Variants in SNX24 observed in about 807,000 individuals in gnomAD.
The protein encoded by SNX24 is sorting nexin-24.
A neutral mutation model predicts 28.7 loss-of-function variants in SNX24; 22 were observed. The ratio of observed to expected loss-of-function variants is 0.77; its 90% CI spans 0.55 to 1.10. SNX24 has a LOEUF of 1.10. Ranked by LOEUF, SNX24 falls within the 50% of genes least tolerant of loss-of-function variation. The pLI is 0.00. For synonymous variants in SNX24, 69 were observed against 71.5 expected, an observed-to-expected ratio of 0.96 and a Z score of 0.18; for missense variants, 221 against 201.1, an observed-to-expected ratio of 1.10 and a Z score of -0.60.
intron 3 of SNX24, among the ~76,000 whole-genome samples, chr5:122,947,781 CTTATT>C (rs1759753763): frequency 6.6e-6 from 1 of 152,170 alleles, no homozygotes; most frequent in Non-Finnish European, 1.5e-5. Flanking sequence ...ACAATGCATT[CTTATT>C]TGTAAGCCAG....
intron 3 of SNX24, among the ~76,000 whole-genome samples, chr5:122,995,221 G>C (rs1762009609): frequency 6.6e-6 from 1 of 152,058 alleles, no homozygotes; most frequent in South Asian, 2.1e-4. Context: ...CTCCTTCCTT[G>C]CTAGTTTTGA....
chr5:122,888,387 T>C (rs1756809860), intron 1 of SNX24, among the ~76,000 whole-genome samples: 1 of 152,150 alleles, frequency 6.6e-6, no homozygotes, highest in Non-Finnish European at 1.5e-5. Flanking sequence ...CTTGGCGCTA[T>C]TGGTTACTTG....
chr5:122,907,564 C>CT (rs1757693699), intron 1 of SNX24, among the ~76,000 whole-genome samples: 1 of 152,138 alleles, frequency 6.6e-6, no homozygotes, highest in Non-Finnish European at 1.5e-5. Context: ...GTCTGTCTGA[C>CT]TTAATGATCT....
At chr5:122,945,579 C>T (rs1759646032) in intron 2 of SNX24, among the ~76,000 whole-genome samples, 1 of 152,174 alleles carries the variant, frequency 6.6e-6, no homozygotes, top group Admixed American at 6.5e-5. Flanking sequence ...TAAGTTCTCT[C>T]TCCAAATGAT....
At chr5:122,890,135 G>A (rs1021362075) in intron 1 of SNX24, among the ~76,000 whole-genome samples, 4 of 152,086 alleles carry the variant, frequency 2.6e-5, no homozygotes, top group East Asian at 1.9e-4. Flanking sequence ...TTTAGGTGAC[G>A]CATTTGGGGC....
intron 1 of SNX24, among the ~76,000 whole-genome samples, chr5:122,921,307 T>C (rs1302463579): frequency 6.6e-6 from 1 of 152,210 alleles, no homozygotes; most frequent in Non-Finnish European, 1.5e-5. Flanking sequence ...TGTAAAAGGA[T>C]AGCTTTGGCA....
At chr5:122,933,578 G>T (rs1285152825) in intron 1 of SNX24, among the ~76,000 whole-genome samples, 3 of 152,110 alleles carry the variant, frequency 2.0e-5, no homozygotes, top group East Asian at 1.9e-4. Flanking sequence ...TTCATTTCCC[G>T]ATGTCCAATG....
chr5:122,972,366 G>A (rs142228832), intron 3 of SNX24, among the ~76,000 whole-genome samples: 153 of 152,260 alleles, frequency 1.0e-3, no homozygotes, highest in African/African-American at 3.5e-3. Flanking sequence ...TCCTAGACGC[G>A]TGAATCCTGG....
chr5:122,952,155 A>G (rs1343773224), intron 3 of SNX24, among the ~76,000 whole-genome samples: 7 of 152,212 alleles, frequency 4.6e-5, no homozygotes, highest in Admixed American at 1.3e-4. Flanking sequence ...CTCATTATGT[A>G]TATGCACACA....
chr5:122,908,911 T>C (rs900279129), intron 1 of SNX24, among the ~76,000 whole-genome samples: 2 of 152,058 alleles, frequency 1.3e-5, no homozygotes, highest in Middle Eastern at 3.4e-3. Context: ...AATGTGCACA[T>C]AGCAAGGCTG....
At chr5:122,884,390 G>A (rs1266792371) in intron 1 of SNX24, among the ~76,000 whole-genome samples, 1 of 151,212 alleles carries the variant, frequency 6.6e-6, no homozygotes, top group South Asian at 2.1e-4. Context: ...TAGTTGGGTG[G>A]AATGCGCCAC....
chr5:122,963,267 G>A (rs1406558913), intron 3 of SNX24, among the ~76,000 whole-genome samples: 1 of 152,130 alleles, frequency 6.6e-6, no homozygotes, highest in Non-Finnish European at 1.5e-5. Context: ...CTCCTCTAGA[G>A]CTGGCCATGC....
chr5:122,953,803 TAATTA>T (rs1349636351), intron 3 of SNX24, among the ~76,000 whole-genome samples: 1 of 152,204 alleles, frequency 6.6e-6, no homozygotes, highest in African/African-American at 2.4e-5. Flanking sequence ...TTGTAAACAG[TAATTA>T]AATGTATAGT....
At chr5:122,936,913 T>G (rs1051499927) in intron 2 of SNX24, 96 bp downstream of exon 2, 5 of 630,222 alleles carry the variant, frequency 7.9e-6, no homozygotes, top group African/African-American at 7.4e-5. Context: ...CATTGATATT[T>G]CTTGTGTATG....
intron 1 of SNX24, among the ~76,000 whole-genome samples, chr5:122,848,677 C>G (rs1331695051): frequency 6.6e-6 from 1 of 151,786 alleles, no homozygotes; most frequent in African/African-American, 2.4e-5. Flanking sequence ...CCACTGCACT[C>G]CAGTCTAGGT....
chr5:122,920,893 T>A (rs2150102136), intron 1 of SNX24, among the ~76,000 whole-genome samples: 1 of 152,302 alleles, frequency 6.6e-6, no homozygotes, highest in South Asian at 2.1e-4. Flanking sequence ...AAACATTAAC[T>A]TTTTTTCTTT....
At chr5:122,982,323 A>G (rs901134833) in intron 3 of SNX24, among the ~76,000 whole-genome samples, 1 of 152,230 alleles carries the variant, frequency 6.6e-6, no homozygotes, top group Non-Finnish European at 1.5e-5. Context: ...GTTTAATCAT[A>G]TTCTGCATTT....
In SNX24 at chr5:122,889,803, A is replaced by G. The variant is rs74630058; in HGVS notation, c.60+44110A>G. Among the ~76,000 whole-genome samples the G allele has an allele frequency of 7.7e-4, 116 of 150,722 alleles. No homozygotes were observed. The East Asian group carries it at 0.015, about 19-fold the overall frequency. On this transcript the variant is annotated intron_variant, in intron 1 of 6. Transcript: ENST00000261369. ...TTTTCATTATTCCTAAGGACAAAAA[A>G]TCTCTTAACATAATCACGGTAAAAT... is the stretch of plus-strand genomic sequence containing the variant.
chr5:123,001,183 G>C (rs939813130), intron 4 of SNX24, among the ~76,000 whole-genome samples: 11 of 152,122 alleles, frequency 7.2e-5, no homozygotes, highest in African/African-American at 2.7e-4. Flanking sequence ...AAAACCTGAG[G>C]ATTTTTAAGT....
Sources: allele counts gnomAD v4.1 joint callset (sites outside exome capture counted in the v4.1 genomes callset), GRCh38; gene constraint gnomAD v4.1.1; transcripts MANE v1.5; gene names NCBI Gene and HGNC (gene_info 2026-07-23, HGNC 2026-07-21).